Variants in NWD2 observed in about 807,000 individuals in gnomAD.
NWD2 encodes the protein NACHT and WD repeat domain containing 2.
A neutral mutation model predicts 132.7 loss-of-function variants in NWD2; 37 were observed. The observed-to-expected ratio is 0.28, with a 90% CI of 0.21 to 0.37. The LOEUF is 0.37. Among genes scored for constraint, NWD2 ranks in the 10% least tolerant of loss-of-function variants. The pLI, the probability that NWD2 is intolerant of heterozygous loss-of-function variation, is 1.00. For missense variants in NWD2, 1,592 were observed against 2,122.4 expected, an observed-to-expected ratio of 0.75 and a Z score of 4.91; for synonymous variants, 705 against 803.0, an observed-to-expected ratio of 0.88 and a Z score of 2.06.
intron 1 of NWD2, among the ~76,000 whole-genome samples, chr4:37,295,441 T>C: frequency 6.6e-6 from 1 of 152,232 alleles, no homozygotes; most frequent in East Asian, 1.9e-4. Flanking sequence ...GACACCTATC[T>C]CATGCTGCGC....
intron 1 of NWD2, among the ~76,000 whole-genome samples, chr4:37,307,254 A>C (rs1291001207): frequency 6.6e-6 from 1 of 151,974 alleles, no homozygotes; most frequent in African/African-American, 2.4e-5. Context: ...TGTTTTTATG[A>C]TGGTAGTTAT....
At chr4:37,299,676 C>T (rs1199237381) in intron 1 of NWD2, among the ~76,000 whole-genome samples, 3 of 152,090 alleles carry the variant, frequency 2.0e-5, no homozygotes, top group Non-Finnish European at 2.9e-5. Flanking sequence ...AAGTGAAGGA[C>T]TTGCTGATTG....
At chr4:37,351,426 G>T (rs1429760493) in intron 2 of NWD2, among the ~76,000 whole-genome samples, 3 of 152,120 alleles carry the variant, frequency 2.0e-5, no homozygotes, top group Admixed American at 2.0e-4. Flanking sequence ...ATGTGTCCAG[G>T]AATTTATCCA....
At chr4:37,271,531 T>A (rs1001453203) in intron 1 of NWD2, among the ~76,000 whole-genome samples, 1 of 151,850 alleles carries the variant, frequency 6.6e-6, no homozygotes, top group Non-Finnish European at 1.5e-5. Context: ...GATGTTTATA[T>A]TGACCTTAAA....
At chr4:37,325,044 T>A (rs890679822) in intron 1 of NWD2, among the ~76,000 whole-genome samples, 5 of 152,340 alleles carry the variant, frequency 3.3e-5, no homozygotes, top group African/African-American at 1.2e-4. Context: ...TTGAAAACTA[T>A]ATTCATGTTT....
intron 1 of NWD2, among the ~76,000 whole-genome samples, chr4:37,248,483 C>T (rs1490023043): frequency 6.6e-6 from 1 of 152,180 alleles, no homozygotes; most frequent in Non-Finnish European, 1.5e-5. Context: ...GTGGATGGGC[C>T]TTGGACTTCA....
chr4:37,438,025 G>C (rs1712368458), intron 5 of NWD2, among the ~76,000 whole-genome samples: 1 of 152,134 alleles, frequency 6.6e-6, no homozygotes, highest in Non-Finnish European at 1.5e-5. Flanking sequence ...ACTTTGGGAG[G>C]CTGAGGCAGG....
At position 37,314,013 on chromosome 4, in the gene NWD2, C is replaced by T. The variant is rs746637833; in HGVS notation, c.152-11923C>T. On this transcript the variant is annotated intron_variant, in intron 1 of 6. Transcript: ENST00000309447. ...GCCTGGCCATTGCTGAGTTTTTATC[C>T]TGAATATGTATTTGATTTTGTCAAA... Among the ~76,000 whole-genome samples the T allele has an allele frequency of 4.8e-5, 7 of 145,028 alleles. 1 individual carries two copies. Among genetic ancestry groups the T allele is most frequent in the Non-Finnish European group, 7.4e-5 (5 of 68,006 alleles).
intron 3 of NWD2, among the ~76,000 whole-genome samples, chr4:37,367,046 T>C (rs908242244): frequency 2.6e-5 from 4 of 152,162 alleles, no homozygotes; most frequent in Admixed American, 2.0e-4. Context: ...TCACAGAACA[T>C]TTGCTAAAGT....
chr4:37,415,760 A>G (rs544959840), intron 3 of NWD2, among the ~76,000 whole-genome samples: 10 of 152,058 alleles, frequency 6.6e-5, no homozygotes, highest in East Asian at 1.9e-4. Flanking sequence ...TAAAAATGCG[A>G]AAGTCCAGTT....
intron 3 of NWD2, among the ~76,000 whole-genome samples, chr4:37,364,163 A>G (rs1309477373): frequency 6.6e-6 from 1 of 152,080 alleles, no homozygotes; most frequent in East Asian, 1.9e-4. Context: ...AAAGTAGACA[A>G]CTTACACTCT....
intron 1 of NWD2, among the ~76,000 whole-genome samples, chr4:37,264,515 T>C (rs1183763875): frequency 6.6e-6 from 1 of 152,168 alleles, no homozygotes; most frequent in African/African-American, 2.4e-5. Flanking sequence ...TATATTTATA[T>C]CTGGATGTGC....
chr4:37,397,173 GCAGGTGTGTCTAGGAGCTTCTCATTA>G lies in NWD2; in HGVS notation c.358-33395_358-33370del, dbSNP rs1440682898. Among the ~76,000 whole-genome samples, 15 of 152,126 alleles carry G rather than the reference GCAGGTGTGTCTAGGAGCTTCTCATTA, an allele frequency of 9.9e-5. No individual in the cohort carries two copies. In the East Asian group the frequency reaches 2.9e-3, roughly 29 times the overall value. ...GGGTGGCCACTTTTTAGTCAGCCCAGCAGGTGTGTCTAGGAGCTTCTCATTACAGTGTTGCAATAGCCTATTGCCCT... is the reference window on the plus strand; with the variant it reads ...GGGTGGCCACTTTTTAGTCAGCCCAGCAGTGTTGCAATAGCCTATTGCCCT... On this transcript the variant is annotated intron_variant, in intron 3 of 6. Transcript: ENST00000309447.
chr4:37,245,732 A>T (rs1449202244), intron 1 of NWD2, among the ~76,000 whole-genome samples: 2 of 152,148 alleles, frequency 1.3e-5, no homozygotes, highest in East Asian at 3.9e-4. Context: ...GCAGAGGCCA[A>T]GCAGACTTTT....
intron 2 of NWD2, among the ~76,000 whole-genome samples, chr4:37,355,816 T>C (rs1409105170): frequency 1.3e-5 from 2 of 152,124 alleles, no homozygotes; most frequent in East Asian, 3.8e-4. Context: ...TTCAGATATA[T>C]ATTGATGAAA....
intron 3 of NWD2, among the ~76,000 whole-genome samples, chr4:37,405,798 C>CTTGGAACATTTTAAAGA (rs1720992370): frequency 6.6e-6 from 1 of 152,166 alleles, no homozygotes; most frequent in African/African-American, 2.4e-5. Flanking sequence ...ATTTTAACAT[C>CTTGGAACATTTTAAAGA]TTTGCCAGGT....
At chr4:37,299,847 C>A (rs1304899356) in intron 1 of NWD2, among the ~76,000 whole-genome samples, 1 of 152,124 alleles carries the variant, frequency 6.6e-6, no homozygotes, top group East Asian at 1.9e-4. Flanking sequence ...TATATGCTTT[C>A]TTTTCCATTT....
intron 1 of NWD2, among the ~76,000 whole-genome samples, chr4:37,301,152 T>C (rs1416959428): frequency 6.6e-5 from 10 of 152,144 alleles, no homozygotes; most frequent in Admixed American, 6.6e-4. Flanking sequence ...ATCTATAGTC[T>C]TTCTGGCTTC....
Position 37,356,445 on chromosome 4 carries a change from A to C in NWD2, c.320A>C (p.Glu107Ala). 1 of 1,551,590 alleles carries C rather than the reference A, an allele frequency of 6.4e-7. No individual in the cohort carries two copies. The highest frequency in any genetic ancestry group is 8.7e-7 in the Non-Finnish European group (1 of 1,146,812). ...ELQKTRMKLL[E>A]NCLKTSAGPC... ...CAGAAGACCCGCATGAAGCTGCTGG[A>C]GAATTGCTTGAAAACTTCTGCAGGT... The change falls in exon 3 of 7, where the codon GAG becomes GCG. Residue 107 changes from glutamate (E) to alanine (A), a missense_variant. Physicochemically the swap from Glu to Ala is moderately radical, Grantham distance 107. Coordinates refer to ENST00000309447, the MANE Select transcript of NWD2 (RefSeq NM_001144990.2).
Sources: allele counts gnomAD v4.1 joint callset (sites outside exome capture counted in the v4.1 genomes callset), GRCh38; gene constraint gnomAD v4.1.1; transcripts MANE v1.5; gene names NCBI Gene and HGNC (gene_info 2026-07-23, HGNC 2026-07-21).